The following STXBP4 variants were observed in gnomAD, a reference collection of about 807,000 sequenced individuals.
STXBP4 encodes syntaxin binding protein 4.
Under a neutral mutation model 76.1 loss-of-function variants are expected in STXBP4, and 55 were observed. The observed-to-expected ratio is 0.72, with a 90% confidence interval of 0.58 to 0.91. The LOEUF (loss-of-function observed/expected upper bound fraction) is 0.91, where lower values mean the gene tolerates loss of function less well. Among genes scored for constraint, STXBP4 ranks in the 40% least tolerant of loss-of-function variants. The pLI is 0.00. For synonymous variants in STXBP4, 201 were observed against 220.2 expected (o/e 0.91, Z 0.77); for missense variants, 618 against 636.9 (o/e 0.97, Z 0.32).
rs1419042848 is a variant in STXBP4 at position 55,163,922 on chromosome 17, A to G, written c.*4011A>G. 1 of 152,682 alleles carries G rather than the reference A, an allele frequency of 6.5e-6. No individual in the cohort carries two copies. The highest frequency in any genetic ancestry group is 1.5e-5 in the Non-Finnish European group (1 of 68,048). The allele number at this position is 152,682 out of a possible 1,614,324, so 9.5% of individuals were successfully genotyped here. On this transcript the variant is annotated 3_prime_UTR_variant, in exon 18 of 18. Coordinates refer to ENST00000376352, the MANE Select transcript of STXBP4 (RefSeq NM_178509.6). Reference sequence around the variant, plus strand: ...AAATATAGAGTCAAGTGATACTTTCATAAAGTGTTTGCACAATTAGAAAAT... The same window carrying G: ...AAATATAGAGTCAAGTGATACTTTCGTAAAGTGTTTGCACAATTAGAAAAT...
chr17:55,149,762 A>T (rs1319664235), intron 17 of STXBP4, among the ~76,000 whole-genome samples: 2 of 152,196 alleles, frequency 1.3e-5, no homozygotes, highest in African/African-American at 2.4e-5. Context: ...CAGCTTGCTC[A>T]GGATTTTCTG....
chr17:55,023,189 T>A (rs1045837257), intron 8 of STXBP4, among the ~76,000 whole-genome samples: 18 of 152,206 alleles, frequency 1.2e-4, no homozygotes, highest in African/African-American at 4.3e-4. Context: ...ATCTATGTAA[T>A]CCTTGAACAG....
intron 1 of STXBP4, among the ~76,000 whole-genome samples, chr17:54,981,253 G>T (rs927557643): frequency 1.1e-4 from 17 of 151,822 alleles, no homozygotes; most frequent in African/African-American, 4.1e-4. Context: ...TGAATTTAAT[G>T]TGTAAAAATA....
intron 10 of STXBP4, among the ~76,000 whole-genome samples, chr17:55,039,177 TA>T (rs1485410188): frequency 3.9e-5 from 6 of 152,156 alleles, no homozygotes; most frequent in Admixed American, 6.6e-5. Context: ...GGCAAGGCCA[TA>T]AGAGTAATAA....
chr17:55,141,405 T>A, intron 17 of STXBP4, 38 bp downstream of exon 17: 1 of 1,574,286 alleles, frequency 6.4e-7, no homozygotes, highest in Non-Finnish European at 8.7e-7. Flanking sequence ...GCAATTTTCT[T>A]CACATCTGGA....
At chr17:55,001,552 A>G (rs1481596992) in intron 7 of STXBP4, among the ~76,000 whole-genome samples, 5 of 152,190 alleles carry the variant, frequency 3.3e-5, no homozygotes, top group Admixed American at 2.6e-4. Flanking sequence ...ACATAACTGA[A>G]AAACTAATTA....
chr17:55,024,371 G>A (rs1358501470), intron 8 of STXBP4, among the ~76,000 whole-genome samples: 2 of 152,202 alleles, frequency 1.3e-5, no homozygotes, highest in African/African-American at 4.8e-5. Context: ...TTCCTTGTCA[G>A]CCGGTGATAG....
rs1181506153 is a variant in STXBP4, at chr17:55,063,798, A to T, written c.1012-9102A>T. Reference sequence around the variant, plus strand: ...TACTCCCCATAATTTTCTTTGCTTTACTAAAAACAAATACACATCACTAAA... The same window carrying T: ...TACTCCCCATAATTTTCTTTGCTTTTCTAAAAACAAATACACATCACTAAA... On this transcript the variant is annotated intron_variant, in intron 12 of 17. Coordinates refer to ENST00000376352, the MANE Select transcript of STXBP4 (RefSeq NM_178509.6). 4.6e-5 allele frequency among the ~76,000 whole-genome samples: 7 copies of T among 152,328 alleles called. No homozygotes were observed. In the East Asian group the frequency reaches 7.7e-4, roughly 17 times the overall value.
intron 16 of STXBP4, among the ~76,000 whole-genome samples, chr17:55,100,992 A>T (rs984335587): frequency 1.3e-5 from 2 of 152,176 alleles, no homozygotes; most frequent in African/African-American, 4.8e-5. Context: ...AGCCATGCTC[A>T]ACCTGTAGAT....
chr17:55,045,325 A>G (rs1359615947), intron 11 of STXBP4, among the ~76,000 whole-genome samples: 1 of 152,138 alleles, frequency 6.6e-6, no homozygotes, highest in Admixed American at 6.6e-5. Flanking sequence ...AAATACATTG[A>G]CAATGATTTC....
At chr17:55,078,569 A>T (rs1178857326) in intron 14 of STXBP4, 117 bp from the exon 15 acceptor site, 2 of 655,872 alleles carry the variant, frequency 3.0e-6, no homozygotes, top group East Asian at 5.6e-5. Context: ...CCCGCTACAT[A>T]ATAGAAGCAT....
chr17:55,087,495 G>A (rs1353656770), intron 16 of STXBP4, among the ~76,000 whole-genome samples: 3 of 152,050 alleles, frequency 2.0e-5, no homozygotes, highest in Non-Finnish European at 4.4e-5. Context: ...AGTACCGTTT[G>A]TTGAAGAGAC....
chr17:55,026,061 G>T (rs1240561554), intron 8 of STXBP4, among the ~76,000 whole-genome samples: 1 of 152,112 alleles, frequency 6.6e-6, no homozygotes, highest in Non-Finnish European at 1.5e-5. Context: ...AAAAAAAGAA[G>T]TGCAAGACAT....
chr17:55,070,337 T>G (rs114803581), intron 12 of STXBP4, among the ~76,000 whole-genome samples: 1,681 of 152,322 alleles, frequency 0.011, 27 homozygotes, highest in African/African-American at 0.038. Context: ...ATCTCCTGTA[T>G]GCACAGCAGC....
chr17:55,026,786 C>G (rs978313209), intron 8 of STXBP4, among the ~76,000 whole-genome samples: 27 of 152,224 alleles, frequency 1.8e-4, no homozygotes, highest in African/African-American at 6.0e-4. Flanking sequence ...AGAGAAGCTC[C>G]CAACTGAAAT....
chr17:55,191,270 C>T, the STXBP4 span, among the ~76,000 whole-genome samples: 10 of 152,136 alleles, frequency 6.6e-5, no homozygotes, highest in Non-Finnish European at 1.3e-4. Context: ...CAGGGCTTCT[C>T]AAACTACAAT....
At chr17:55,113,633 AT>A (rs1279325281) in intron 16 of STXBP4, among the ~76,000 whole-genome samples, 2 of 151,944 alleles carry the variant, frequency 1.3e-5, no homozygotes, top group Non-Finnish European at 2.9e-5. Context: ...TTCTGCTGAT[AT>A]AAAAAAAAAG....
chr17:55,186,554 A>G, the STXBP4 span, among the ~76,000 whole-genome samples: 2 of 152,238 alleles, frequency 1.3e-5, no homozygotes, highest in Admixed American at 6.5e-5. Flanking sequence ...ATTCTAAAGG[A>G]TGTATGATGG....
chr17:55,054,953 A>C (rs140975631), intron 12 of STXBP4, among the ~76,000 whole-genome samples: 80 of 152,188 alleles, frequency 5.3e-4, no homozygotes, highest in African/African-American at 1.9e-3. Context: ...AAAAGGGGAA[A>C]TTTGCTTGTG....
Sources: allele counts gnomAD v4.1 joint callset (sites outside exome capture counted in the v4.1 genomes callset), GRCh38; gene constraint gnomAD v4.1.1; transcripts MANE v1.5; gene names NCBI Gene and HGNC (gene_info 2026-07-23, HGNC 2026-07-21).